The following MTOR variants were observed in gnomAD, a reference collection of about 807,000 sequenced individuals.
The protein encoded by MTOR is mechanistic target of rapamycin kinase.
Under a neutral mutation model 319.8 loss-of-function variants are expected in MTOR, and 70 were observed. The ratio of observed to expected loss-of-function variants is 0.22; its 90% confidence interval spans 0.18 to 0.27. MTOR has a LOEUF of 0.27. Among genes scored for constraint, MTOR ranks in the 10% least tolerant of loss-of-function variants. The probability of loss-of-function intolerance (pLI) is 1.00; values close to 1 mark genes in which losing one functional copy is unlikely to be tolerated. For synonymous variants in MTOR, 1,183 were observed against 1,211.4 expected (o/e 0.98, Z 0.49); for missense variants, 1,890 against 3,274.4 (o/e 0.58, Z 10.32).
At position 11,109,993 on chromosome 1, in the gene MTOR, C is replaced by CAA. The variant is rs5772442; in HGVS notation, c.7367-266_7367-265dup. Among the ~76,000 whole-genome samples, 275 of 129,718 alleles carry CAA rather than the reference C, an allele frequency of 2.1e-3. 2 individuals are homozygous for CAA. The highest frequency in any genetic ancestry group is 7.8e-3 in the Middle Eastern group (2 of 258). 85.1% of individuals were successfully genotyped at this position (129,718 alleles called of 152,430 possible). A position where few individuals can be genotyped will look rare whatever the true frequency, so the allele number is the denominator to read the frequency against. On this transcript the variant is annotated intron_variant, in intron 54 of 57. Transcript: ENST00000361445. The surrounding 1 kb of genome is among the most constrained non-coding windows in gnomAD (Gnocchi z 4.0). ...CAAGACCAGCCTGAGACTCCATTTG[C>CAA]AAAAAAAAAAAAAAAAATTTTTAAA...
At chr1:11,143,652 G>A (rs1643815170) in intron 34 of MTOR, among the ~76,000 whole-genome samples, 1 of 152,166 alleles carries the variant, frequency 6.6e-6, no homozygotes, top group African/African-American at 2.4e-5. Context: ...GAGCTTCCTA[G>A]GCAGGAATGT....
At chr1:11,163,019 T>C (rs1644527051) in intron 29 of MTOR, among the ~76,000 whole-genome samples, 2 of 152,138 alleles carry the variant, frequency 1.3e-5, no homozygotes, top group Non-Finnish European at 2.9e-5. Context: ...GACCCATCAG[T>C]GTGCTGTATT....
At chr1:11,162,928 A>G (rs933940482) in intron 29 of MTOR, among the ~76,000 whole-genome samples, 8 of 152,238 alleles carry the variant, frequency 5.3e-5, no homozygotes, top group African/African-American at 1.9e-4. Context: ...AAATTCACAC[A>G]TAACAATATT....
intron 30 of MTOR, among the ~76,000 whole-genome samples, chr1:11,155,676 G>A (rs542424271): frequency 6.6e-6 from 1 of 152,246 alleles, no homozygotes; most frequent in African/African-American, 2.4e-5. Flanking sequence ...GTTTCCTCCC[G>A]GTATCTTCCA....
chr1:11,154,436 AAAAAAT>A (rs1317010339), intron 30 of MTOR, among the ~76,000 whole-genome samples: 6 of 151,930 alleles, frequency 3.9e-5, no homozygotes, highest in African/African-American at 1.2e-4. Context: ...CCTATAAATA[AAAAAAT>A]AAAAATAAAT....
rs996709242 is a variant in MTOR at position 11,133,551 on chromosome 1, T to C, written c.5247-354A>G. Among the ~76,000 whole-genome samples the C allele has an allele frequency of 3.3e-5, 5 of 152,176 alleles. No individual in the cohort carries two copies. The highest frequency in any genetic ancestry group is 9.7e-5 in the African/African-American group (4 of 41,450). On this transcript the variant is annotated intron_variant, in intron 37 of 57. Coordinates refer to ENST00000361445, the MANE Select transcript of MTOR (RefSeq NM_004958.4). This position sits in a 1 kb window ranked among gnomAD's most constrained non-coding sequence, Gnocchi z 4.0. ...ATTGCTATATGGCTTCTCCCTTACT[T>C]TTCCCTTTGCCTCCATTCTTTGTAA... is the stretch of plus-strand genomic sequence containing the variant.
Position 11,127,035 on chromosome 1 carries a change from C to T in MTOR, c.6326G>A (p.Arg2109Gln), listed in dbSNP as rs1642872348. The T allele has an allele frequency of 6.2e-7, 1 of 1,614,144 alleles. No homozygotes were observed. The highest frequency in any genetic ancestry group is 1.1e-5 in the South Asian group (1 of 91,078). Residue 2109 changes from arginine (R) to glutamine (Q), a missense_variant, in exon 45 of 58, where the codon CGA (arginine) becomes CAA (glutamine). By Grantham distance (43) the Arg-to-Gln change is conservative. Coordinates refer to ENST00000361445, the MANE Select transcript of MTOR (RefSeq NM_004958.4). The surrounding 1 kb of genome is among the most constrained non-coding windows in gnomAD (Gnocchi z 5.5). ...CTGAGGCAGCTGCTTTGAGATTCGT[C>T]GGAACACATGATAATAGAGGTCCCA... ...QAWDLYYHVFRRISKQLPQLT... is the reference protein window; with the variant it reads ...QAWDLYYHVFQRISKQLPQLT...
Position 11,109,173 on chromosome 1 carries a change from G to T in MTOR, c.7528+117C>A, listed in dbSNP as rs1456514832. On this transcript the variant is annotated intron_variant, in intron 56 of 57. Coordinates refer to ENST00000361445, the MANE Select transcript of MTOR (RefSeq NM_004958.4). The surrounding 1 kb of genome is among the most constrained non-coding windows in gnomAD (Gnocchi z 4.0). ...ATGACCTCAAAGACACTCTTTGTCA[G>T]CTGCATGGTGCCAAAGCTCGTCACT... 2.5e-6 allele frequency: 2 copies of T among 810,272 alleles called. No homozygotes were observed. The highest frequency in any genetic ancestry group is 1.7e-5 in the African/African-American group (1 of 57,944). 50.2% of individuals were successfully genotyped at this position (810,272 alleles called of 1,614,324 possible).
chr1:11,151,967 T>C (rs918099536), intron 30 of MTOR, among the ~76,000 whole-genome samples: 4 of 152,102 alleles, frequency 2.6e-5, no homozygotes, highest in African/African-American at 9.7e-5. Flanking sequence ...ATCCCACAAA[T>C]TGTTACCCCA....
At chr1:11,118,133 T>C (rs1295695222) in intron 49 of MTOR, among the ~76,000 whole-genome samples, 2 of 150,724 alleles carry the variant, frequency 1.3e-5, no homozygotes, top group South Asian at 2.1e-4. Flanking sequence ...ATCTTCTAAA[T>C]AGCAGGGAAA....
At chr1:11,175,746 G>GTTTTTTTTTT (rs34392850) in intron 28 of MTOR, among the ~76,000 whole-genome samples, 14 of 137,298 alleles carry the variant, frequency 1.0e-4, no homozygotes, top group African/African-American at 2.7e-4. Context: ...TCCCTAGCAG[G>GTTTTTTTTTT]TTTTTTTTTT....
intron 28 of MTOR, among the ~76,000 whole-genome samples, chr1:11,190,210 A>T (rs775288443): frequency 6.6e-6 from 1 of 152,196 alleles, no homozygotes; most frequent in African/African-American, 2.4e-5. Context: ...GGTTTGCCCA[A>T]AGTCACCCAG....
In MTOR at chr1:11,213,676, G is replaced by A. The variant is rs552671528; in HGVS notation, c.3118-110C>T. 1.1e-3 allele frequency: 1,182 copies of A among 1,031,682 alleles called. 3 individuals carry two copies. The highest frequency in any genetic ancestry group is 1.5e-3 in the Non-Finnish European group (1,064 of 706,058). The allele number at this position is 1,031,682 out of a possible 1,614,324, so 63.9% of individuals were successfully genotyped here. ...CAAAACTGTAGTGAGCATGGTCTGC[G>A]CCGAGATCAACTCCTCACTCCCCTC... On this transcript the variant is annotated intron_variant, in intron 20 of 57. Transcript: ENST00000361445.
rs1643253424 is a variant in MTOR at position 11,133,354 on chromosome 1, A to G, written c.5247-157T>C. Among the ~76,000 whole-genome samples the G allele has an allele frequency of 6.6e-6, 1 of 152,230 alleles. No homozygotes were observed. The highest frequency in any genetic ancestry group is 6.5e-5 in the Admixed American group (1 of 15,284). On this transcript the variant is annotated intron_variant, in intron 37 of 57. Coordinates refer to ENST00000361445, the MANE Select transcript of MTOR (RefSeq NM_004958.4). This position sits in a 1 kb window ranked among gnomAD's most constrained non-coding sequence, Gnocchi z 4.0. Reference sequence around the variant, plus strand: ...GCTAGCAAAATTTTCAGCCACACGCAAGAAAGGAGATGGGCTTTTGGAATA... The same window carrying G: ...GCTAGCAAAATTTTCAGCCACACGCGAGAAAGGAGATGGGCTTTTGGAATA...
chr1:11,169,057 A>G (rs931920345), intron 28 of MTOR, among the ~76,000 whole-genome samples: 3 of 152,226 alleles, frequency 2.0e-5, no homozygotes, highest in East Asian at 3.8e-4. Flanking sequence ...ACCAGAATTA[A>G]TTTTTAAGTG....
intron 28 of MTOR, among the ~76,000 whole-genome samples, chr1:11,198,606 G>A (rs866099654): frequency 6.6e-6 from 1 of 152,300 alleles, no homozygotes; most frequent in East Asian, 1.9e-4. Flanking sequence ...GATATTCTCT[G>A]ATAATCATTA....
chr1:11,212,313 T>C lies in MTOR; in HGVS notation c.3560A>G (p.Lys1187Arg), dbSNP rs1646338458. Reference sequence around the variant, plus strand: ...TGTCTGTCCAGACTCCCATCTTACCTTCTTCCCCAGCTGAAAAACAAGTGA... The same window carrying C: ...TGTCTGTCCAGACTCCCATCTTACCCTCTTCCCCAGCTGAAAAACAAGTGA... ...LSSLVFQLGK[K>R]YQIFIPMVNK... The change falls in exon 23 of 58, where the codon AAG (lysine) becomes AGG (arginine). Residue 1187 changes from lysine (K) to arginine (R), a missense_variant and splice_region_variant. Coordinates refer to ENST00000361445, the MANE Select transcript of MTOR (RefSeq NM_004958.4). The surrounding 1 kb of genome is among the most constrained non-coding windows in gnomAD (Gnocchi z 4.1). 1.9e-6 allele frequency: 3 copies of C among 1,613,326 alleles called. No homozygotes were observed. Among genetic ancestry groups the C allele is most frequent in the Non-Finnish European group, 2.5e-6 (3 of 1,179,590 alleles).
intron 28 of MTOR, among the ~76,000 whole-genome samples, chr1:11,175,694 G>C (rs1438847360): frequency 1.3e-5 from 2 of 151,914 alleles, no homozygotes; most frequent in African/African-American, 4.8e-5. Context: ...CACGTGGGCA[G>C]TGGCGCCTGC....
intron 26 of MTOR, among the ~76,000 whole-genome samples, chr1:11,203,923 T>G (rs1571158808): frequency 6.6e-6 from 1 of 152,196 alleles, no homozygotes; most frequent in East Asian, 1.9e-4. Flanking sequence ...ACTACCTCGT[T>G]CTCTTGGGAC....
Sources: allele counts gnomAD v4.1 joint callset (sites outside exome capture counted in the v4.1 genomes callset), GRCh38; gene constraint gnomAD v4.1.1; non-coding constraint Gnocchi (gnomAD v3.1); transcripts MANE v1.5; gene names NCBI Gene and HGNC (gene_info 2026-07-23, HGNC 2026-07-21).